The following ALPL variants were observed in gnomAD, a reference collection of about 807,000 sequenced individuals.
ALPL encodes alkaline phosphatase, biomineralization associated, also known as alkaline phosphatase, tissue-nonspecific isozyme.
In ALPL, 42 loss-of-function variants were observed where a neutral mutation model predicts 51.3. That is an observed-to-expected ratio of 0.82 (90% CI 0.64 to 1.06). ALPL has a LOEUF of 1.06. Among genes scored for constraint, ALPL ranks in the 50% least tolerant of loss-of-function variants. The pLI, the probability that ALPL is intolerant of heterozygous loss-of-function variation, is 0.00. For synonymous variants in ALPL, 279 were observed against 296.4 expected (o/e 0.94, Z 0.60); for missense variants, 589 against 709.4 (o/e 0.83, Z 1.93).
At chr1:21,553,407 G>A (rs1219288939) in intron 1 of ALPL, among the ~76,000 whole-genome samples, 1 of 152,148 alleles carries the variant, frequency 6.6e-6, no homozygotes. Flanking sequence ...AGAAGAGAAT[G>A]TAGCAAATGT....
rs111984620 is a variant in ALPL at position 21,510,041 on chromosome 1, G to T, written c.-105+524G>T. ...AGGAGGAGAGGGCAGGAGGCGCTTGGAATGGGGGGCGTGGCGGGAGGAGAC... is the reference window on the plus strand; with the variant it reads ...AGGAGGAGAGGGCAGGAGGCGCTTGTAATGGGGGGCGTGGCGGGAGGAGAC... On this transcript the variant is annotated intron_variant, in intron 1 of 11. Transcript: ENST00000374840. 3.2e-3 allele frequency among the ~76,000 whole-genome samples: 482 copies of T among 152,214 alleles called. 6 individuals are homozygous for T. Among genetic ancestry groups the T allele is most frequent in the African/African-American group, 0.011 (475 of 41,540 alleles).
At chr1:21,556,627 ACT>A (rs999334501) in intron 2 of ALPL, among the ~76,000 whole-genome samples, 2 of 143,780 alleles carry the variant, frequency 1.4e-5, no homozygotes, top group Admixed American at 7.1e-5. Flanking sequence ...ACAGAGTAAG[ACT>A]CTGTCTCATA....
intron 1 of ALPL, among the ~76,000 whole-genome samples, chr1:21,538,381 C>T (rs921220260): frequency 6.6e-6 from 1 of 152,302 alleles, no homozygotes; most frequent in African/African-American, 2.4e-5. Flanking sequence ...CCGGCTGGAG[C>T]GTCCTCTGGG....
rs1016066485 is a variant in ALPL, at chr1:21,547,432, T to A, written c.-104-6546T>A. Among the ~76,000 whole-genome samples the A allele has an allele frequency of 7.2e-5, 11 of 152,158 alleles. No individual in the cohort carries two copies. The South Asian group carries it at 2.3e-3, about 31-fold the overall frequency. ...GCCCTCCTGTCCCCCATCCTGGATG[T>A]GGTCCTCACGGTGGCCCTCAGCCTC... On this transcript the variant is annotated intron_variant, in intron 1 of 11. Coordinates refer to ENST00000374840, the MANE Select transcript of ALPL (RefSeq NM_000478.6).
At chr1:21,529,918 T>C (rs1303021154) in intron 1 of ALPL, among the ~76,000 whole-genome samples, 1 of 152,144 alleles carries the variant, frequency 6.6e-6, no homozygotes, top group Non-Finnish European at 1.5e-5. Context: ...ACTATAGTTG[T>C]GCACCACCAC....
intron 1 of ALPL, among the ~76,000 whole-genome samples, chr1:21,516,519 A>G (rs1413916120): frequency 6.6e-6 from 1 of 152,182 alleles, no homozygotes. Flanking sequence ...GGCAGGTGCT[A>G]TTATCCCCAC....
intron 1 of ALPL, among the ~76,000 whole-genome samples, chr1:21,537,691 T>C (rs940442188): frequency 6.6e-6 from 1 of 152,150 alleles, no homozygotes; most frequent in Non-Finnish European, 1.5e-5. Context: ...TGTCCTGGCA[T>C]GTGACTGAGA....
intron 1 of ALPL, among the ~76,000 whole-genome samples, chr1:21,543,547 A>G (rs1373354078): frequency 3.9e-5 from 6 of 152,130 alleles, no homozygotes; most frequent in African/African-American, 1.4e-4. Flanking sequence ...AGATCACGCC[A>G]TTGCACTACA....
intron 1 of ALPL, among the ~76,000 whole-genome samples, chr1:21,534,910 A>G (rs558095261): frequency 7.9e-5 from 12 of 152,252 alleles, no homozygotes; most frequent in Admixed American, 6.5e-4. Flanking sequence ...TGATCTTTCT[A>G]TTTAAAACTG....
Position 21,573,746 on chromosome 1 carries a change from T to C in ALPL, c.944T>C (p.Val315Ala), listed in dbSNP as rs1644686379. Reference sequence around the variant, plus strand: ...CCGTCACTCTCCGAGATGGTGGTGGTGGCCATCCAGATCCTGCGGAAGAAC... The same window carrying C: ...CCGTCACTCTCCGAGATGGTGGTGGCGGCCATCCAGATCCTGCGGAAGAAC... ...TDPSLSEMVV[V>A]AIQILRKNPK... Residue 315 changes from valine to alanine, a missense_variant, in exon 9 of 12, where the codon GTG becomes GCG. Transcript: ENST00000374840. The C allele has an allele frequency of 6.2e-7, 1 of 1,613,892 alleles. No homozygotes were observed. The highest frequency in any genetic ancestry group is 1.7e-5 in the Admixed American group (1 of 59,976).
intron 1 of ALPL, among the ~76,000 whole-genome samples, chr1:21,549,120 G>T (rs1222005467): frequency 6.6e-6 from 1 of 152,196 alleles, no homozygotes; most frequent in East Asian, 1.9e-4. Context: ...GATGGTTTCT[G>T]CAGGTTCTTG....
chr1:21,550,713 C>T (rs1006195330), intron 1 of ALPL, among the ~76,000 whole-genome samples: 16 of 152,166 alleles, frequency 1.1e-4, no homozygotes, highest in East Asian at 1.9e-4. Flanking sequence ...GTACCCTCCA[C>T]GTGGAGCCTC....
At chr1:21,570,283 C>T (rs1437852901) in intron 7 of ALPL, 22 bp from the exon 8 acceptor site, 3 of 1,613,560 alleles carry the variant, frequency 1.9e-6, no homozygotes, top group Non-Finnish European at 2.5e-6. Context: ...CCGGCATGTG[C>T]TGACACAGCC....
chr1:21,523,915 A>C (rs1028604844), intron 1 of ALPL, among the ~76,000 whole-genome samples: 1 of 123,966 alleles, frequency 8.1e-6, no homozygotes, highest in Non-Finnish European at 2.0e-5. Flanking sequence ...CTCTTTTATG[A>C]AACCTTAATT....
chr1:21,522,102 C>T (rs997159452), intron 1 of ALPL, among the ~76,000 whole-genome samples: 17 of 144,942 alleles, frequency 1.2e-4, no homozygotes, highest in South Asian at 4.3e-4. Flanking sequence ...GATGGAGTCT[C>T]GCTCTGTCGC....
chr1:21,553,277 G>A (rs1349385309), intron 1 of ALPL, among the ~76,000 whole-genome samples: 2 of 151,846 alleles, frequency 1.3e-5, no homozygotes, highest in Non-Finnish European at 2.9e-5. Flanking sequence ...AAAGACAATG[G>A]AAAAGAAAAA....
At chr1:21,527,738 C>G (rs1558530566) in intron 1 of ALPL, among the ~76,000 whole-genome samples, 2 of 151,868 alleles carry the variant, frequency 1.3e-5, no homozygotes, top group Non-Finnish European at 2.9e-5. Context: ...TCAGTAGGGA[C>G]AAGGTTTTAC....
intron 6 of ALPL, among the ~76,000 whole-genome samples, chr1:21,566,030 C>T (rs993488827): frequency 6.6e-6 from 1 of 152,020 alleles, no homozygotes; most frequent in African/African-American, 2.4e-5. Flanking sequence ...TCTGTGGGAA[C>T]AGTTGTGGGG....
chr1:21,535,338 G>C (rs1052487042), intron 1 of ALPL, among the ~76,000 whole-genome samples: 1 of 152,188 alleles, frequency 6.6e-6, no homozygotes, highest in Non-Finnish European at 1.5e-5. Context: ...AAGTTTGGCT[G>C]GGTGTGGGGC....
Sources: gnomAD v4.1 joint callset for allele counts (sites outside exome capture counted in the v4.1 genomes callset) on GRCh38, gnomAD v4.1.1 for gene constraint, MANE v1.5 for transcripts, NCBI Gene and HGNC (gene_info 2026-07-23, HGNC 2026-07-21) for gene names.